Variants in STAT1 observed in about 807,000 individuals in gnomAD.
The protein encoded by STAT1 is signal transducer and activator of transcription 1.
STAT1 carries 24 observed loss-of-function variants against 111.7 expected under a neutral mutation model. The observed-to-expected ratio is 0.21, with a 90% confidence interval of 0.16 to 0.30. The LOEUF (loss-of-function observed/expected upper bound fraction) is 0.30. Among genes scored for constraint, STAT1 ranks in the 10% least tolerant of loss-of-function variants. The probability of loss-of-function intolerance (pLI) is 1.00; values close to 1 mark genes in which losing one functional copy is unlikely to be tolerated. For missense variants in STAT1, 351 were observed against 911.9 expected (o/e 0.38, Z 7.92); for synonymous variants, 332 against 326.5 (o/e 1.02, Z -0.18).
Position 190,989,753 on chromosome 2 carries a change from GT to G in STAT1, c.1038-80del. Reference sequence around the variant, plus strand: ...TTTATTATGCCAATTCCCTATTAACGTTTAGATAAACTACTCCCCCTCCAGT... The same window carrying G: ...TTTATTATGCCAATTCCCTATTAACGTTAGATAAACTACTCCCCCTCCAGT... On this transcript the variant is annotated intron_variant, in intron 11 of 24. Coordinates refer to ENST00000361099, the MANE Select transcript of STAT1 (RefSeq NM_007315.4). This position sits in a 1 kb window ranked among gnomAD's most constrained non-coding sequence, Gnocchi z 5.0. 1 of 1,063,966 alleles carries G rather than the reference GT, an allele frequency of 9.4e-7. No homozygotes were observed. Among genetic ancestry groups the G allele is most frequent in the Non-Finnish European group, 1.4e-6 (1 of 713,946 alleles). The allele number at this position is 1,063,966 out of a possible 1,614,324, so 65.9% of individuals were successfully genotyped here.
rs1018626258 is a variant in STAT1, at chr2:190,996,329, T to C, written c.786-1110A>G. ...TCCCTGGGAAAAGTATCTACTTCAC[T>C]TTCTGATTTTGCTCGATTCCAGTTC... is the stretch of plus-strand genomic sequence containing the variant. On this transcript the variant is annotated intron_variant, in intron 9 of 24. Coordinates refer to ENST00000361099, the MANE Select transcript of STAT1 (RefSeq NM_007315.4). The surrounding 1 kb of genome is among the most constrained non-coding windows in gnomAD (Gnocchi z 4.5). 1.7e-4 allele frequency among the ~76,000 whole-genome samples: 26 copies of C among 152,236 alleles called. No homozygotes were observed.
At chr2:191,009,585 A>C (rs942652169) in intron 3 of STAT1, among the ~76,000 whole-genome samples, 17 of 152,212 alleles carry the variant, frequency 1.1e-4, no homozygotes, top group African/African-American at 3.4e-4. Context: ...TTGGAAAATA[A>C]TCGGTGTCAG....
intron 2 of STAT1, among the ~76,000 whole-genome samples, chr2:191,011,830 C>G (rs991779395): frequency 6.6e-6 from 1 of 152,134 alleles, no homozygotes; most frequent in African/African-American, 2.4e-5. Context: ...AACCTCTTCA[C>G]TTTATAAATT....
rs1238737713 is a variant in STAT1 at position 190,995,318 on chromosome 2, A to G, written c.786-99T>C. 5.0e-6 allele frequency: 6 copies of G among 1,190,178 alleles called. No homozygotes were observed. The African/African-American group carries it at 7.5e-5, about 15-fold the overall frequency. 73.7% of individuals were successfully genotyped at this position (1,190,178 alleles called of 1,614,324 possible). ...TATATTAGTCCATTCTCATGCTGCT[A>G]ATAAAGACATACTCGAGACTGGAGA... On this transcript the variant is annotated intron_variant, in intron 9 of 24. Transcript: ENST00000361099. The surrounding 1 kb of genome is among the most constrained non-coding windows in gnomAD (Gnocchi z 4.2).
rs551727276 is a variant in STAT1 at position 190,985,669 on chromosome 2, C to A, written c.1222-9G>T. The stretch of plus-strand genomic sequence containing the variant: ...TTCTGTTCTTTCAATTGCTATAAAA[C>A]AAATAATCATCTTAGTAAACACCAT... On this transcript the variant is annotated splice_polypyrimidine_tract_variant and intron_variant, in intron 14 of 24. Coordinates refer to ENST00000361099, the MANE Select transcript of STAT1 (RefSeq NM_007315.4). The A allele has an allele frequency of 2.3e-4, 377 of 1,613,994 alleles. 7 individuals are homozygous for A. In the South Asian group the frequency reaches 3.8e-3, roughly 16 times the overall value.
Position 190,980,695 on chromosome 2 carries a change from C to T in STAT1, c.1583-26G>A, listed in dbSNP as rs367797506. 1.1e-5 allele frequency: 18 copies of T among 1,613,030 alleles called. No individual in the cohort carries two copies. Among genetic ancestry groups the T allele is most frequent in the Non-Finnish European group, 1.4e-5 (17 of 1,178,986 alleles). On this transcript the variant is annotated intron_variant, in intron 18 of 24. Transcript: ENST00000361099. The surrounding 1 kb of genome is among the most constrained non-coding windows in gnomAD (Gnocchi z 6.1). ...CTAAACAAATAAAAACCAGATTTTT[C>T]AGCAAACAGAAACTGATTCTAAAGC...
intron 5 of STAT1, among the ~76,000 whole-genome samples, chr2:191,001,632 C>T (rs1045345559): frequency 2.0e-5 from 3 of 152,118 alleles, no homozygotes; most frequent in Admixed American, 6.5e-5. Flanking sequence ...AACACAATTC[C>T]GGGTGATCCA....
chr2:190,970,809 A>T lies in STAT1; in HGVS notation c.2239-92T>A. The T allele has an allele frequency of 8.1e-7, 1 of 1,229,372 alleles. No homozygotes were observed. 76.2% of individuals were successfully genotyped at this position (1,229,372 alleles called of 1,614,324 possible). A position where few individuals can be genotyped will look rare whatever the true frequency, so the allele number is the denominator to read the frequency against. On this transcript the variant is annotated intron_variant, in intron 24 of 24. Coordinates refer to ENST00000361099, the MANE Select transcript of STAT1 (RefSeq NM_007315.4). The surrounding 1 kb of genome is among the most constrained non-coding windows in gnomAD (Gnocchi z 5.4). Reference sequence around the variant, plus strand: ...AACATTGCTTGTCTATTCTAGAATGAAGTAGTAGGAAGATACTTGCAATGG... The same window carrying T: ...AACATTGCTTGTCTATTCTAGAATGTAGTAGTAGGAAGATACTTGCAATGG...
intron 15 of STAT1, among the ~76,000 whole-genome samples, chr2:190,985,239 C>T (rs1438112883): frequency 6.6e-6 from 1 of 152,192 alleles, no homozygotes; most frequent in Admixed American, 6.5e-5. Context: ...CCTCTTGGCA[C>T]ACAGCAAGGC....
Position 190,982,458 on chromosome 2 carries a change from T to C in STAT1, c.1507A>G (p.Ser503Gly). ...TTGGTGACAGAAGAAAACTGCCAACTCAGCACTTCTGAAAGCTGAGCCCAT... is the reference window on the plus strand; with the variant it reads ...TTGGTGACAGAAGAAAACTGCCAACCCAGCACTTCTGAAAGCTGAGCCCAT... ...ARWAQLSEVL[S>G]WQFSSVTKRG... The change falls in exon 18 of 25, where the codon AGT (serine) becomes GGT (glycine). Residue 503 changes from serine to glycine, a missense_variant. Transcript: ENST00000361099. This position sits in a 1 kb window ranked among gnomAD's most constrained non-coding sequence, Gnocchi z 7.3. 6.2e-7 allele frequency: 1 copy of C among 1,614,194 alleles called. No individual in the cohort carries two copies. Among genetic ancestry groups the C allele is most frequent in the South Asian group, 1.1e-5 (1 of 91,090 alleles).
rs1691748876 is a variant in STAT1 at position 190,974,510 on chromosome 2, T to C, written c.2238+320A>G. 6.6e-6 allele frequency among the ~76,000 whole-genome samples: 1 copy of C among 152,204 alleles called. No individual in the cohort carries two copies. The highest frequency in any genetic ancestry group is 1.5e-5 in the Non-Finnish European group (1 of 68,036). On this transcript the variant is annotated intron_variant, in intron 24 of 24. Transcript: ENST00000361099. This position sits in a 1 kb window ranked among gnomAD's most constrained non-coding sequence, Gnocchi z 4.8. ...TCGCATTCCGAAGAAAAACATTTGC[T>C]TATCAAAGAAATCTTAGTTCCTTAA...
rs978093700 is a variant in STAT1 at position 190,984,079 on chromosome 2, A to G, written c.1347+231T>C. On this transcript the variant is annotated intron_variant, in intron 16 of 24. Coordinates refer to ENST00000361099, the MANE Select transcript of STAT1 (RefSeq NM_007315.4). This position sits in a 1 kb window ranked among gnomAD's most constrained non-coding sequence, Gnocchi z 5.2. ...CCAATGCTTAATGTAAAAAAAAAAA[A>G]TTAACATCAGCGATCTCAACTGGAA... 6.6e-6 allele frequency among the ~76,000 whole-genome samples: 1 copy of G among 152,020 alleles called. No homozygotes were observed. Among genetic ancestry groups the G allele is most frequent in the Non-Finnish European group, 1.5e-5 (1 of 67,986 alleles).
chr2:190,989,143 A>G lies in STAT1; in HGVS notation c.1097+472T>C, dbSNP rs1416417470. ...AAAAAAACCCCCAAATGACCACAGA[A>G]TCATGGCAGCCTGGACGTTCAGCCT... is the stretch of plus-strand genomic sequence containing the variant. On this transcript the variant is annotated intron_variant, in intron 12 of 24. Coordinates refer to ENST00000361099, the MANE Select transcript of STAT1 (RefSeq NM_007315.4). The surrounding 1 kb of genome is among the most constrained non-coding windows in gnomAD (Gnocchi z 5.0). 5.3e-5 allele frequency among the ~76,000 whole-genome samples: 8 copies of G among 152,152 alleles called. No homozygotes were observed. Among genetic ancestry groups the G allele is most frequent in the Non-Finnish European group, 7.3e-5 (5 of 68,030 alleles).
Position 190,997,841 on chromosome 2 carries a change from T to C in STAT1, c.785+15A>G. On this transcript the variant is annotated intron_variant, in intron 9 of 24. Coordinates refer to ENST00000361099, the MANE Select transcript of STAT1 (RefSeq NM_007315.4). This position sits in a 1 kb window ranked among gnomAD's most constrained non-coding sequence, Gnocchi z 7.3. ...AGCCAGTCAGCTGCCAGTTTTCTGC[T>C]TTGGAGAATCTTACCAGTTCTGCAG... 6.2e-7 allele frequency: 1 copy of C among 1,614,192 alleles called. No individual in the cohort carries two copies. The highest frequency in any genetic ancestry group is 2.2e-5 in the East Asian group (1 of 44,886).
At chr2:191,011,008 C>T (rs1025991002) in intron 2 of STAT1, among the ~76,000 whole-genome samples, 7 of 152,194 alleles carry the variant, frequency 4.6e-5, no homozygotes, top group African/African-American at 1.7e-4. Flanking sequence ...TGAATCTTGT[C>T]CTGCCAGACC....
At position 190,979,136 on chromosome 2, in the gene STAT1, AT is replaced by A; in HGVS notation, c.1728-136del. 2 of 1,199,324 alleles carry A rather than the reference AT, an allele frequency of 1.7e-6. No individual in the cohort carries two copies. Among genetic ancestry groups the A allele is most frequent in the Non-Finnish European group, 2.4e-6 (2 of 837,104 alleles). 74.3% of individuals were successfully genotyped at this position (1,199,324 alleles called of 1,614,324 possible). On this transcript the variant is annotated intron_variant, in intron 20 of 24. Coordinates refer to ENST00000361099, the MANE Select transcript of STAT1 (RefSeq NM_007315.4). The surrounding 1 kb of genome is among the most constrained non-coding windows in gnomAD (Gnocchi z 5.8). ...GGTAAAAAACGTAGACTATTTTAAAATCTGTTCAGTTGACACTTAAGGAAGC... is the reference window on the plus strand; with the variant it reads ...GGTAAAAAACGTAGACTATTTTAAAACTGTTCAGTTGACACTTAAGGAAGC...
At chr2:190,985,694 T>C (rs1692749223) in intron 14 of STAT1, 34 bp from the exon 15 acceptor site, 10 of 1,607,334 alleles carry the variant, frequency 6.2e-6, no homozygotes, top group Non-Finnish European at 7.7e-6. Flanking sequence ...GTAAACACCA[T>C]GGTAATGGTC....
Position 190,978,744 on chromosome 2 carries a change from G to T in STAT1, c.1873+112C>A. 1 of 1,404,796 alleles carries T rather than the reference G, an allele frequency of 7.1e-7. No individual in the cohort carries two copies. Among genetic ancestry groups the T allele is most frequent in the Non-Finnish European group, 9.8e-7 (1 of 1,020,224 alleles). 87.0% of individuals were successfully genotyped at this position (1,404,796 alleles called of 1,614,324 possible). A position where few individuals can be genotyped will look rare whatever the true frequency, so the allele number is the denominator to read the frequency against. ...GGGGGCTCATTTGGGGTAAGTATAA[G>T]ATCTGCAATTTCATGTCCCAAACGC... On this transcript the variant is annotated intron_variant, in intron 21 of 24. Transcript: ENST00000361099. The surrounding 1 kb of genome is among the most constrained non-coding windows in gnomAD (Gnocchi z 6.1).
chr2:190,991,028 ATATATG>A (rs1168192903), intron 11 of STAT1, among the ~76,000 whole-genome samples, 194 bp downstream of exon 11: 2 of 152,368 alleles, frequency 1.3e-5, no homozygotes, highest in East Asian at 1.9e-4. Flanking sequence ...GAGTGTGTAC[ATATATG>A]TATATCAGTT....
Sources: allele counts gnomAD v4.1 joint callset (sites outside exome capture counted in the v4.1 genomes callset), GRCh38; gene constraint gnomAD v4.1.1; non-coding constraint Gnocchi (gnomAD v3.1); transcripts MANE v1.5; gene names NCBI Gene and HGNC (gene_info 2026-07-23, HGNC 2026-07-21).